Variants in CDH2 observed in about 807,000 individuals in gnomAD.
CDH2 encodes the protein cadherin-2.
Under a neutral mutation model 92.0 loss-of-function variants are expected in CDH2, and 17 were observed. The ratio of observed to expected loss-of-function variants is 0.18; its 90% CI spans 0.13 to 0.28. The LOEUF (loss-of-function observed/expected upper bound fraction) is 0.28. Among genes scored for constraint, CDH2 ranks in the 10% least tolerant of loss-of-function variants. The probability of loss-of-function intolerance (pLI) is 1.00; values close to 1 mark genes in which losing one functional copy is unlikely to be tolerated. For synonymous variants in CDH2, 419 were observed against 415.9 expected (o/e 1.01, Z -0.09); for missense variants, 862 against 1,133.1 (o/e 0.76, Z 3.44).
intron 14 of CDH2, among the ~76,000 whole-genome samples, chr18:27,976,623 T>C (rs1007949611): frequency 3.3e-5 from 5 of 152,334 alleles, no homozygotes; most frequent in Admixed American, 3.3e-4. Context: ...TATACGCCTA[T>C]TTTACTGGAC....
chr18:28,007,442 T>C (rs1367294086), intron 5 of CDH2, among the ~76,000 whole-genome samples: 1 of 151,738 alleles, frequency 6.6e-6, no homozygotes, highest in Non-Finnish European at 1.5e-5. Context: ...ATGCTTGCCA[T>C]TGGTTGCTGC....
intron 6 of CDH2, among the ~76,000 whole-genome samples, chr18:27,937,207 G>T (rs1909039029): frequency 6.6e-6 from 1 of 151,986 alleles, no homozygotes; most frequent in South Asian, 2.1e-4. Context: ...TTGAAATTTT[G>T]CTATATTAGA....
At chr18:28,005,176 T>C (rs1389414276) in intron 6 of CDH2, among the ~76,000 whole-genome samples, 1 of 152,152 alleles carries the variant, frequency 6.6e-6, no homozygotes, top group Non-Finnish European at 1.5e-5. Context: ...GACTGAAGTG[T>C]GTCATATTTT....
intron 2 of CDH2, among the ~76,000 whole-genome samples, chr18:28,059,234 A>G (rs1261012882): frequency 1.3e-5 from 2 of 152,252 alleles, no homozygotes; most frequent in Admixed American, 1.3e-4. Context: ...TAACTTATGA[A>G]TAACAGGTTA....
At chr18:27,973,236 A>G (rs1445740469) in intron 14 of CDH2, among the ~76,000 whole-genome samples, 1 of 151,920 alleles carries the variant, frequency 6.6e-6, no homozygotes, top group Admixed American at 6.5e-5. Context: ...AAAAAAATCA[A>G]CTTCATTGAA....
At chr18:27,956,083 C>G (rs1021822547) in intron 15 of CDH2, among the ~76,000 whole-genome samples, 3 of 152,114 alleles carry the variant, frequency 2.0e-5, no homozygotes, top group African/African-American at 4.8e-5. Flanking sequence ...CAGTAACAGG[C>G]ACGAAATCTG....
intron 2 of CDH2, among the ~76,000 whole-genome samples, chr18:28,017,246 AT>A (rs534065995): frequency 0.03 from 4,490 of 151,656 alleles, 87 homozygotes; most frequent in Non-Finnish European, 0.047. Context: ...TGGTCCTTGA[AT>A]TTTTTTTCTT....
At chr18:28,002,920 G>T in intron 7 of CDH2, 77 bp downstream of exon 7, 1 of 1,239,930 alleles carries the variant, frequency 8.1e-7, no homozygotes, top group Non-Finnish European at 1.2e-6. Flanking sequence ...GTGATGTGGA[G>T]ATAAAATGTA....
intron 1 of CDH2, among the ~76,000 whole-genome samples, chr18:28,162,115 T>C (rs1022387767): frequency 6.6e-6 from 1 of 152,136 alleles, no homozygotes; most frequent in African/African-American, 2.4e-5. Context: ...AGAACTGAAA[T>C]AGATAAGGAG....
At chr18:28,088,515 A>G (rs1023282341) in intron 2 of CDH2, among the ~76,000 whole-genome samples, 1 of 152,160 alleles carries the variant, frequency 6.6e-6, no homozygotes. Flanking sequence ...TTAACAGCAC[A>G]AGGAATCTTG....
chr18:28,138,008 TTTAA>T (rs1324856292), intron 2 of CDH2, among the ~76,000 whole-genome samples: 1 of 151,990 alleles, frequency 6.6e-6, no homozygotes, highest in East Asian at 1.9e-4. Context: ...TTTTTGTTCA[TTTAA>T]TTATTTAAAG....
chr18:28,112,843 A>T (rs565064717), intron 2 of CDH2, among the ~76,000 whole-genome samples: 2 of 152,326 alleles, frequency 1.3e-5, no homozygotes, highest in East Asian at 3.9e-4. Flanking sequence ...AACAAGGCAT[A>T]CAGGCTTTGC....
At chr18:28,128,889 T>A (rs2015721184) in intron 2 of CDH2, among the ~76,000 whole-genome samples, 1 of 152,190 alleles carries the variant, frequency 6.6e-6, no homozygotes. Context: ...CCTATTTATT[T>A]TTTTCTGGTA....
intron 15 of CDH2, among the ~76,000 whole-genome samples, chr18:27,963,011 TAATA>T (rs1249738623): frequency 6.6e-6 from 1 of 152,188 alleles, no homozygotes; most frequent in Non-Finnish European, 1.5e-5. Flanking sequence ...TTATTAATGC[TAATA>T]AATGAAATTA....
chr18:27,933,268 A>G (rs1908945009), intron 6 of CDH2, among the ~76,000 whole-genome samples: 1 of 152,206 alleles, frequency 6.6e-6, no homozygotes, highest in Non-Finnish European at 1.5e-5. Flanking sequence ...CCTAAGATCA[A>G]CTTCATATAT....
intron 5 of CDH2, among the ~76,000 whole-genome samples, chr18:28,007,602 T>A (rs2012977172): frequency 6.6e-6 from 1 of 152,222 alleles, no homozygotes; most frequent in African/African-American, 2.4e-5. Context: ...TTATTTAATA[T>A]CTTACATTAC....
At chr18:28,024,269 T>C (rs1322520749) in intron 2 of CDH2, among the ~76,000 whole-genome samples, 1 of 152,014 alleles carries the variant, frequency 6.6e-6, no homozygotes, top group Non-Finnish European at 1.5e-5. Context: ...TGCCCAATTA[T>C]CTTAATAATT....
At chr18:27,933,371 T>C (rs763701335) in intron 6 of CDH2, among the ~76,000 whole-genome samples, 4 of 152,142 alleles carry the variant, frequency 2.6e-5, no homozygotes, top group Non-Finnish European at 5.9e-5. Context: ...AAATAGGTCC[T>C]CTTTACTTTC....
intron 2 of CDH2, among the ~76,000 whole-genome samples, chr18:28,128,964 A>G (rs192461955): frequency 5.9e-5 from 9 of 152,348 alleles, no homozygotes; most frequent in Non-Finnish European, 1.0e-4. Context: ...TTGAAAGTCA[A>G]TATGTAAACT....
Sources: gnomAD v4.1 joint callset for allele counts (sites outside exome capture counted in the v4.1 genomes callset) on GRCh38, gnomAD v4.1.1 for gene constraint, MANE v1.5 for transcripts, NCBI Gene and HGNC (gene_info 2026-07-23, HGNC 2026-07-21) for gene names.